Variants in ANKRD11 observed in about 807,000 individuals in gnomAD.
ANKRD11 encodes the protein ankyrin repeat domain 11.
A neutral mutation model predicts 195.7 loss-of-function variants in ANKRD11; 17 were observed. The observed-to-expected ratio is 0.09, with a 90% confidence interval of 0.06 to 0.13. The LOEUF (loss-of-function observed/expected upper bound fraction) is 0.13, where lower values mean the gene tolerates loss of function less well. Among genes scored for constraint, ANKRD11 ranks in the 10% least tolerant of loss-of-function variants. The pLI is 1.00. For synonymous variants in ANKRD11, 1,953 were observed against 1,528.1 expected (o/e 1.28, Z -6.49); for missense variants, 3,735 against 3,566.1 (o/e 1.05, Z -1.21).
rs537642535 is a variant in ANKRD11 at position 89,279,867 on chromosome 16, C to T, written c.6675G>A (p.Thr2225=). The T allele has an allele frequency of 3.8e-6, 6 of 1,565,432 alleles. No individual in the cohort carries two copies. Among genetic ancestry groups the T allele is most frequent in the South Asian group, 2.3e-5 (2 of 86,246 alleles). The part of the protein sequence containing the change: ...VALEAAVEAE[T]VPEERARGDP... Reference sequence around the variant, plus strand: ...CCCCACGGGCCCTCTCTTCCGGCACCGTCTCCGCCTCCACCGCAGCTTCTA... The same window carrying T: ...CCCCACGGGCCCTCTCTTCCGGCACTGTCTCCGCCTCCACCGCAGCTTCTA... The change falls in exon 9 of 13, where the codon ACG becomes ACA. Residue 2225 remains threonine, a synonymous_variant. Transcript: ENST00000301030. This position sits in a 1 kb window ranked among gnomAD's most constrained non-coding sequence, Gnocchi z 5.6.
intron 9 of ANKRD11, chr16:89,278,805 G>C: frequency 1.5e-6 from 1 of 651,304 alleles, no homozygotes; most frequent in Non-Finnish European, 2.8e-6. Flanking sequence ...AGTGGGACCG[G>C]GGTGCACCCA....
At chr16:89,462,172 C>A (rs1484135369) in intron 1 of ANKRD11, among the ~76,000 whole-genome samples, 4 of 152,116 alleles carry the variant, frequency 2.6e-5, no homozygotes, top group Non-Finnish European at 4.4e-5. Flanking sequence ...CTCACTGCAA[C>A]CCCCCTGCCT....
chr16:89,356,634 AG>A (rs1440546755), intron 2 of ANKRD11, among the ~76,000 whole-genome samples: 1 of 148,448 alleles, frequency 6.7e-6, no homozygotes, highest in African/African-American at 2.5e-5. Context: ...AAAAAAAATT[AG>A]CCAGGCGTGG....
At chr16:89,293,187 G>A (rs753322511) in intron 4 of ANKRD11, among the ~76,000 whole-genome samples, 51 of 152,164 alleles carry the variant, frequency 3.4e-4, no homozygotes, top group Non-Finnish European at 5.4e-4. Context: ...GAGCAGGGGG[G>A]TTAATGTTTT....
intron 2 of ANKRD11, among the ~76,000 whole-genome samples, chr16:89,338,311 C>T (rs1437477612): frequency 6.6e-6 from 1 of 151,908 alleles, no homozygotes; most frequent in Non-Finnish European, 1.5e-5. Context: ...CCCTACCAAG[C>T]CAGGACAGCC....
chr16:89,277,051 G>A (rs1160770914), intron 9 of ANKRD11, among the ~76,000 whole-genome samples: 15 of 59,066 alleles, frequency 2.5e-4, no homozygotes, highest in Non-Finnish European at 1.4e-4. Context: ...GTGAGACTCT[G>A]TCTTAAAAAA....
chr16:89,337,708 G>A (rs796169564), intron 2 of ANKRD11, among the ~76,000 whole-genome samples: 2 of 152,086 alleles, frequency 1.3e-5, no homozygotes, highest in South Asian at 2.1e-4. Flanking sequence ...CCAAAGTGCT[G>A]GGATTACAGG....
intron 1 of ANKRD11, among the ~76,000 whole-genome samples, chr16:89,454,645 T>G (rs1396392878): frequency 6.7e-6 from 1 of 149,618 alleles, no homozygotes; most frequent in Non-Finnish European, 1.5e-5. Context: ...GCTGCTCCCC[T>G]GGGTGCTTCC....
intron 2 of ANKRD11, among the ~76,000 whole-genome samples, chr16:89,383,982 G>C (rs2040780227): frequency 6.6e-6 from 1 of 152,264 alleles, no homozygotes; most frequent in African/African-American, 2.4e-5. Flanking sequence ...GAAACTGGGA[G>C]GCTGAGGCAG....
chr16:89,489,360 G>C (rs893796841), intron 1 of ANKRD11, among the ~76,000 whole-genome samples: 1 of 151,786 alleles, frequency 6.6e-6, no homozygotes, highest in Non-Finnish European at 1.5e-5. Context: ...AAGGGCTGCT[G>C]TTGCAGCCGC....
chr16:89,414,397 C>T (rs780497703), intron 2 of ANKRD11, among the ~76,000 whole-genome samples: 34 of 152,304 alleles, frequency 2.2e-4, no homozygotes, highest in Non-Finnish European at 4.6e-4. Context: ...TCACTGGGAA[C>T]CGCGTGCTGG....
chr16:89,278,732 C>G (rs1015040536), intron 9 of ANKRD11: 2 of 516,238 alleles, frequency 3.9e-6, no homozygotes. Context: ...TCTCGTGAGG[C>G]CGTCCTGGTG....
intron 2 of ANKRD11, among the ~76,000 whole-genome samples, chr16:89,356,651 G>A (rs2039488393): frequency 1.3e-5 from 2 of 151,232 alleles, no homozygotes; most frequent in African/African-American, 4.9e-5. Context: ...CGTGGTGGTG[G>A]GTGCCTGTAG....
intron 4 of ANKRD11, among the ~76,000 whole-genome samples, chr16:89,293,413 C>T (rs1030908448): frequency 6.0e-5 from 9 of 151,070 alleles, no homozygotes; most frequent in Non-Finnish European, 8.8e-5. Flanking sequence ...GTTGGGGTTG[C>T]GGAGGGAGGA....
chr16:89,396,876 G>A (rs981694807), intron 2 of ANKRD11, among the ~76,000 whole-genome samples: 23 of 152,180 alleles, frequency 1.5e-4, no homozygotes, highest in African/African-American at 4.8e-4. Context: ...TAGTAAAGAC[G>A]GGGTTTCACC....
rs771785668 is a variant in ANKRD11, at chr16:89,281,080, T to C, written c.5462A>G (p.Tyr1821Cys). The part of the protein sequence containing the change: ...RQQSVPAASS[Y>C]DSPMPPSMED... ...CATCGAGGGTGGCATGGGAGAGTCG[T>C]AGCTGGAGGCAGCAGGAACGCTCTG... Residue 1821 changes from tyrosine (Y) to cysteine (C), a missense_variant, in exon 9 of 13, where the codon TAC becomes TGC. Tyr to Cys is a radical substitution (Grantham distance 194). Coordinates refer to ENST00000301030, the MANE Select transcript of ANKRD11 (RefSeq NM_013275.6). The surrounding 1 kb of genome is among the most constrained non-coding windows in gnomAD (Gnocchi z 5.5). 12 of 1,609,202 alleles carry C rather than the reference T, an allele frequency of 7.5e-6. No homozygotes were observed. The highest frequency in any genetic ancestry group is 1.0e-5 in the Non-Finnish European group (12 of 1,176,302).
At chr16:89,434,437 G>C (rs2043125217) in intron 1 of ANKRD11, among the ~76,000 whole-genome samples, 1 of 152,208 alleles carries the variant, frequency 6.6e-6, no homozygotes, top group Non-Finnish European at 1.5e-5. Context: ...GAGAAAGAAA[G>C]CCATAAAAAT....
chr16:89,328,994 C>T (rs935239987), intron 2 of ANKRD11: 2 of 150,184 alleles, frequency 1.3e-5, no homozygotes, highest in Non-Finnish European at 3.0e-5. Context: ...AGTGGACATA[C>T]CCAGGCGCAC....
rs926645829 is a variant in ANKRD11, at chr16:89,279,740, G to A, written c.6802C>T (p.Leu2268Phe). The A allele has an allele frequency of 2.6e-6, 4 of 1,527,154 alleles. No homozygotes were observed. The highest frequency in any genetic ancestry group is 1.2e-5 in the South Asian group (1 of 83,644). 94.6% of individuals were successfully genotyped at this position (1,527,154 alleles called of 1,614,324 possible). The change falls in exon 9 of 13, where the codon CTC becomes TTC. Residue 2268 changes from leucine to phenylalanine, a missense_variant. Coordinates refer to ENST00000301030, the MANE Select transcript of ANKRD11 (RefSeq NM_013275.6). This position sits in a 1 kb window ranked among gnomAD's most constrained non-coding sequence, Gnocchi z 5.6. ...AEAEGPPAAS[L>F]CAPDGPAPNT... is the part of the protein sequence containing the mutation. ...GGGGCGGGGCCGTCAGGGGCACAGA[G>A]GGACGCGGCGGGGGGGCCTTCAGCC...
Sources: gnomAD v4.1 joint callset for allele counts (sites outside exome capture counted in the v4.1 genomes callset) on GRCh38, gnomAD v4.1.1 for gene constraint, Gnocchi (gnomAD v3.1) non-coding constraint, MANE v1.5 for transcripts, NCBI Gene and HGNC (gene_info 2026-07-23, HGNC 2026-07-21) for gene names.